CA10: variants seen among roughly 807,000 people sequenced by gnomAD.
CA10 encodes carbonic anhydrase 10 (inactive).
A neutral mutation model predicts 44.2 loss-of-function variants in CA10; 14 were observed. That is an observed-to-expected ratio of 0.32 (90% CI 0.21 to 0.50). The LOEUF (loss-of-function observed/expected upper bound fraction) is 0.50, where lower values mean the gene tolerates loss of function less well. Among genes scored for constraint, CA10 ranks in the 20% least tolerant of loss-of-function variants. CA10 has a pLI of 0.99. For synonymous variants in CA10, 159 were observed against 141.6 expected (o/e 1.12, Z -0.87); for missense variants, 350 against 409.7 (o/e 0.85, Z 1.26).
At chr17:51,860,501 G>C (rs893852814) in intron 3 of CA10, among the ~76,000 whole-genome samples, 6 of 152,328 alleles carry the variant, frequency 3.9e-5, no homozygotes, top group African/African-American at 9.6e-5. Flanking sequence ...CTGCAGATAT[G>C]CAAGAATAAC....
intron 3 of CA10, among the ~76,000 whole-genome samples, chr17:51,905,077 T>A (rs2143938820): frequency 6.6e-6 from 1 of 152,252 alleles, no homozygotes; most frequent in Non-Finnish European, 1.5e-5. Context: ...ATTTCAACCA[T>A]CAAAGGTGTA....
intron 4 of CA10, among the ~76,000 whole-genome samples, chr17:51,682,430 G>T (rs1914877938): frequency 6.6e-6 from 1 of 152,146 alleles, no homozygotes; most frequent in African/African-American, 2.4e-5. Context: ...GGGGTTTATT[G>T]TTTACATGAG....
At chr17:52,153,902 C>A (rs530182923) in intron 1 of CA10, among the ~76,000 whole-genome samples, 2 of 152,252 alleles carry the variant, frequency 1.3e-5, no homozygotes, top group South Asian at 4.1e-4. Flanking sequence ...ACTGTTATCT[C>A]TTTTCTACAC....
rs1567854487 is a variant in CA10, at chr17:51,831,678, G to GCAGCAGCAGCAGCAGCAT, written c.280-83861_280-83860insATGCTGCTGCTGCTGCTG. Among the ~76,000 whole-genome samples, 24 of 49,086 alleles carry GCAGCAGCAGCAGCAGCAT rather than the reference G, an allele frequency of 4.9e-4. No individual in the cohort carries two copies. The Middle Eastern group carries it at 0.024, about 49-fold the overall frequency. 32.2% of individuals were successfully genotyped at this position (49,086 alleles called of 152,430 possible). A position where few individuals can be genotyped will look rare whatever the true frequency, so the allele number is the denominator to read the frequency against. On this transcript the variant is annotated intron_variant, in intron 3 of 8. Coordinates refer to ENST00000451037, the MANE Select transcript of CA10 (RefSeq NM_020178.5). ...AAGGAGAAAAGAAAAAGCAGCAGCA[G>GCAGCAGCAGCAGCAGCAT]CAGCAGCAGCAGCAGCAGCAGCAGC...
intron 2 of CA10, among the ~76,000 whole-genome samples, chr17:51,934,220 A>C (rs1332048798): frequency 6.6e-6 from 1 of 152,132 alleles, no homozygotes; most frequent in African/African-American, 2.4e-5. Context: ...AGATCGTCTG[A>C]CTTAAATTCA....
chr17:51,888,258 A>G (rs976149978), intron 3 of CA10, among the ~76,000 whole-genome samples: 6 of 152,296 alleles, frequency 3.9e-5, no homozygotes, highest in African/African-American at 1.2e-4. Flanking sequence ...AATAGAAAAA[A>G]AGAAAAGATA....
intron 4 of CA10, among the ~76,000 whole-genome samples, chr17:51,656,875 C>T (rs147809025): frequency 6.6e-6 from 1 of 152,206 alleles, no homozygotes; most frequent in Admixed American, 6.5e-5. Context: ...CTGTTTACCC[C>T]TTCTCCACTT....
intron 2 of CA10, 66 bp from the exon 3 acceptor site, chr17:51,931,198 A>G (rs1207727492): frequency 8.0e-6 from 12 of 1,495,664 alleles, no homozygotes; most frequent in Non-Finnish European, 1.1e-5. Context: ...ATAAATAAAC[A>G]GAGCTATGTA....
chr17:52,103,038 A>G (rs1988577339), intron 1 of CA10, among the ~76,000 whole-genome samples: 1 of 151,706 alleles, frequency 6.6e-6, no homozygotes, highest in Admixed American at 6.6e-5. Context: ...CCTTGGGTTT[A>G]CACTTTTAGA....
At chr17:51,990,250 T>C (rs1298806208) in intron 2 of CA10, among the ~76,000 whole-genome samples, 1 of 152,156 alleles carries the variant, frequency 6.6e-6, no homozygotes, top group Non-Finnish European at 1.5e-5. Context: ...TGCCCCAGAA[T>C]TTCCAGTACT....
At chr17:51,828,849 C>T (rs560753516) in intron 3 of CA10, among the ~76,000 whole-genome samples, 1 of 152,120 alleles carries the variant, frequency 6.6e-6, no homozygotes, top group African/African-American at 2.4e-5. Context: ...GTCTTTTTCT[C>T]ATTAATAATA....
At chr17:52,007,972 G>A (rs575725722) in intron 2 of CA10, among the ~76,000 whole-genome samples, 59 of 151,476 alleles carry the variant, frequency 3.9e-4, no homozygotes, top group African/African-American at 1.4e-3. Flanking sequence ...TAAATATTTG[G>A]TGTAATAAAA....
At chr17:51,649,294 C>G in intron 5 of CA10, 40 bp from the exon 6 acceptor site, 2 of 1,402,748 alleles carry the variant, frequency 1.4e-6, no homozygotes, top group South Asian at 2.3e-5. Flanking sequence ...GGGCATCACT[C>G]TTGCAGGACA....
At chr17:51,870,730 C>A (rs909634773) in intron 3 of CA10, among the ~76,000 whole-genome samples, 1 of 152,208 alleles carries the variant, frequency 6.6e-6, no homozygotes, top group Non-Finnish European at 1.5e-5. Flanking sequence ...CTGAAACAAT[C>A]CTTTGCCCTC....
Position 51,931,296 on chromosome 17 carries a change from C to G in CA10, c.137-164G>C, listed in dbSNP as rs147308085. Among the ~76,000 whole-genome samples the G allele has an allele frequency of 1.2e-3, 188 of 152,230 alleles. 5 individuals are homozygous for G. In the South Asian group the frequency reaches 0.022, roughly 18 times the overall value. ...GCTATGGTATTTTCCTGGTCTGAAT[C>G]TTGGTCCACTTCTCTAAGTCTTACC... On this transcript the variant is annotated intron_variant, in intron 2 of 8. Transcript: ENST00000451037.
chr17:51,869,805 A>C (rs1357955320), intron 3 of CA10, among the ~76,000 whole-genome samples: 1 of 152,156 alleles, frequency 6.6e-6, no homozygotes, highest in East Asian at 1.9e-4. Flanking sequence ...AAATCAAAGG[A>C]CAAGAAAATG....
intron 3 of CA10, among the ~76,000 whole-genome samples, chr17:51,841,165 ACAG>A (rs1404568998): frequency 7.2e-5 from 11 of 152,034 alleles, no homozygotes; most frequent in Non-Finnish European, 1.2e-4. Context: ...TCCCTTTCCT[ACAG>A]CAGTATGTCC....
At chr17:51,639,893 G>A (rs1005362904) in intron 6 of CA10, among the ~76,000 whole-genome samples, 7 of 152,074 alleles carry the variant, frequency 4.6e-5, no homozygotes, top group African/African-American at 1.4e-4. Flanking sequence ...CTTTGCTCAC[G>A]GGGTTGTTTG....
chr17:52,028,336 C>G (rs1171989456), intron 2 of CA10, among the ~76,000 whole-genome samples: 1 of 152,110 alleles, frequency 6.6e-6, no homozygotes, highest in African/African-American at 2.4e-5. Flanking sequence ...CTATGCAAAT[C>G]CAATTAATAG....
Sources: allele counts gnomAD v4.1 joint callset (sites outside exome capture counted in the v4.1 genomes callset), GRCh38; gene constraint gnomAD v4.1.1; transcripts MANE v1.5; gene names NCBI Gene and HGNC (gene_info 2026-07-23, HGNC 2026-07-21).